SPATA6: variants seen among roughly 807,000 people sequenced by gnomAD.
SPATA6 encodes spermatogenesis-associated protein 6.
A neutral mutation model predicts 65.3 loss-of-function variants in SPATA6; 56 were observed. That is an observed-to-expected ratio of 0.86 (90% CI 0.69 to 1.07). The LOEUF is 1.07. Among genes scored for constraint, SPATA6 ranks in the 50% least tolerant of loss-of-function variants. The pLI is 0.00. For missense variants in SPATA6, 590 were observed against 594.8 expected (o/e 0.99, Z 0.08); for synonymous variants, 199 against 213.2 (o/e 0.93, Z 0.58).
intron 11 of SPATA6, among the ~76,000 whole-genome samples, chr1:48,340,405 T>C (rs1646182251): frequency 1.3e-5 from 2 of 150,798 alleles, no homozygotes; most frequent in Non-Finnish European, 3.0e-5. Flanking sequence ...TACTGTGGAG[T>C]CAAAAATAGA....
intron 11 of SPATA6, among the ~76,000 whole-genome samples, chr1:48,308,794 C>A (rs1645125941): frequency 6.6e-6 from 1 of 152,116 alleles, no homozygotes; most frequent in African/African-American, 2.4e-5. Flanking sequence ...CTGATTTAAA[C>A]CAGTTTTAAA....
At chr1:48,395,081 C>A (rs1650453559) in intron 8 of SPATA6, among the ~76,000 whole-genome samples, 186 bp downstream of exon 8, 1 of 151,838 alleles carries the variant, frequency 6.6e-6, no homozygotes, top group Non-Finnish European at 1.5e-5. Context: ...GCACAGAAAT[C>A]CTAATATCTT....
chr1:48,469,677 G>T (rs1658083964), intron 1 of SPATA6, among the ~76,000 whole-genome samples: 1 of 151,912 alleles, frequency 6.6e-6, no homozygotes, highest in African/African-American at 2.4e-5. Flanking sequence ...AAATAGACAA[G>T]AAAGGAACTA....
intron 11 of SPATA6, chr1:48,325,125 T>C (rs1186800138): frequency 2.0e-6 from 1 of 510,388 alleles, no homozygotes; most frequent in Non-Finnish European, 3.6e-6. Flanking sequence ...CAAGCCTCTT[T>C]TGCATACTTA....
intron 11 of SPATA6, among the ~76,000 whole-genome samples, chr1:48,317,105 T>A (rs553674303): frequency 1.3e-5 from 2 of 152,354 alleles, no homozygotes; most frequent in South Asian, 4.1e-4. Context: ...TCAACGATTG[T>A]GGAGGTCAGT....
the SPATA6 span, among the ~76,000 whole-genome samples, chr1:48,267,274 T>C: frequency 1.3e-5 from 2 of 152,188 alleles, no homozygotes; most frequent in Non-Finnish European, 2.9e-5. Context: ...TTACAGCTCC[T>C]GAAGCCCCAG....
chr1:48,418,575 A>AAT (rs1463361441), intron 3 of SPATA6, among the ~76,000 whole-genome samples: 1 of 135,022 alleles, frequency 7.4e-6, no homozygotes, highest in Non-Finnish European at 1.6e-5. Flanking sequence ...AAAAAAAAAA[A>AAT]AAATTAGCTG....
At chr1:48,358,260 T>C (rs980235727) in intron 10 of SPATA6, among the ~76,000 whole-genome samples, 2 of 152,062 alleles carry the variant, frequency 1.3e-5, no homozygotes, top group Non-Finnish European at 2.9e-5. Context: ...TGAACTAAAA[T>C]TAATACTGTA....
At chr1:48,449,116 A>G (rs1176238629) in intron 3 of SPATA6, among the ~76,000 whole-genome samples, 1 of 152,218 alleles carries the variant, frequency 6.6e-6, no homozygotes, top group Non-Finnish European at 1.5e-5. Flanking sequence ...TAGGAACTAT[A>G]TTTCAAAGTA....
intron 12 of SPATA6, among the ~76,000 whole-genome samples, chr1:48,300,300 A>T (rs533414239): frequency 1.3e-5 from 2 of 152,246 alleles, no homozygotes; most frequent in Non-Finnish European, 2.9e-5. Flanking sequence ...TATAGATTAG[A>T]CCTTCCAGGC....
intron 9 of SPATA6, among the ~76,000 whole-genome samples, chr1:48,370,542 C>A (rs1330138271): frequency 6.6e-6 from 1 of 152,168 alleles, no homozygotes; most frequent in Admixed American, 6.5e-5. Context: ...ACTTTTTTTA[C>A]ACTGAAGCTG....
At chr1:48,458,749 A>AT (rs1301170857) in intron 1 of SPATA6, among the ~76,000 whole-genome samples, 1 of 152,204 alleles carries the variant, frequency 6.6e-6, no homozygotes, top group Non-Finnish European at 1.5e-5. Flanking sequence ...AAATCTACAG[A>AT]TACGGGAATT....
At chr1:48,364,410 T>A (rs1457801939) in intron 9 of SPATA6, among the ~76,000 whole-genome samples, 2 of 152,224 alleles carry the variant, frequency 1.3e-5, no homozygotes, top group Admixed American at 6.5e-5. Context: ...TAGTTTACAG[T>A]CCCACCAACA....
intron 1 of SPATA6, among the ~76,000 whole-genome samples, chr1:48,456,128 G>T (rs1195989511): frequency 6.6e-6 from 1 of 152,192 alleles, no homozygotes; most frequent in Non-Finnish European, 1.5e-5. Context: ...AGTTGGAAGT[G>T]AAGGCTAAGG....
intron 1 of SPATA6, among the ~76,000 whole-genome samples, chr1:48,460,207 C>A (rs1334488386): frequency 6.6e-6 from 1 of 152,002 alleles, no homozygotes; most frequent in African/African-American, 2.4e-5. Flanking sequence ...CTCAAGTGAT[C>A]CTCCCACCGC....
chr1:48,270,618 A>T, the SPATA6 span, among the ~76,000 whole-genome samples: 3 of 151,716 alleles, frequency 2.0e-5, no homozygotes, highest in Non-Finnish European at 2.9e-5. Flanking sequence ...AAAATCAAAT[A>T]AAAAAAAGAT....
At chr1:48,408,022 A>G (rs1162483120) in intron 5 of SPATA6, among the ~76,000 whole-genome samples, 1 of 152,218 alleles carries the variant, frequency 6.6e-6, no homozygotes, top group African/African-American at 2.4e-5. Context: ...GAAGACTTTC[A>G]TAGTACAGAA....
Position 48,471,949 on chromosome 1 carries a change from G to T in SPATA6, c.51+9C>A, listed in dbSNP as rs777193888. The stretch of plus-strand genomic sequence containing the variant: ...ATGCCCGGGGGTGGGAGGCGCTACC[G>T]GTACTCACTGAGCTGATCTCCAGCG... On this transcript the variant is annotated intron_variant, in intron 1 of 12. Transcript: ENST00000371847. The T allele has an allele frequency of 1.2e-6, 2 of 1,610,026 alleles. No homozygotes were observed. The highest frequency in any genetic ancestry group is 3.3e-5 in the Admixed American group (2 of 59,848).
intron 12 of SPATA6, among the ~76,000 whole-genome samples, chr1:48,299,825 A>T (rs1355368947): frequency 6.6e-6 from 1 of 152,196 alleles, no homozygotes; most frequent in Non-Finnish European, 1.5e-5. Flanking sequence ...CTGCTCAGCT[A>T]GTAAGTGGCA....
Sources: allele counts gnomAD v4.1 joint callset (sites outside exome capture counted in the v4.1 genomes callset), GRCh38; gene constraint gnomAD v4.1.1; transcripts MANE v1.5; gene names NCBI Gene and HGNC (gene_info 2026-07-23, HGNC 2026-07-21).